PLA2G5: variants seen among roughly 807,000 people sequenced by gnomAD.
PLA2G5 encodes the protein Ca2+-dependent phospholipase A2.
PLA2G5 carries 12 observed loss-of-function variants against 15.9 expected under a neutral mutation model. That is an observed-to-expected ratio of 0.76 (90% CI 0.48 to 1.23). PLA2G5 has a LOEUF of 1.23. PLA2G5 is among the 50% of genes most tolerant of loss of function. The pLI, the probability that PLA2G5 is intolerant of heterozygous loss-of-function variation, is 0.00. For synonymous variants in PLA2G5, 71 were observed against 71.4 expected (o/e 0.99, Z 0.03); for missense variants, 169 against 177.1 (o/e 0.95, Z 0.26).
intron 1 of PLA2G5, among the ~76,000 whole-genome samples, chr1:20,037,267 C>T (rs1337068237): frequency 1.3e-5 from 2 of 152,162 alleles, no homozygotes; most frequent in Admixed American, 1.3e-4. Context: ...GTGGTGCTCT[C>T]CCCCTTCCTT....
chr1:20,039,420 C>A lies in PLA2G5; in HGVS notation n.276+10711C>A, dbSNP rs185362066. Among the ~76,000 whole-genome samples, 124 of 152,178 alleles carry A rather than the reference C, an allele frequency of 8.1e-4. 1 individual carries two copies. In the Middle Eastern group the frequency reaches 0.014, roughly 17 times the overall value. Reference sequence around the variant, plus strand: ...CTGGCCCAGTAATGTTCATAGAGGACAAAACAAGGATTAAATAGACAGGAA... The same window carrying A: ...CTGGCCCAGTAATGTTCATAGAGGAAAAAACAAGGATTAAATAGACAGGAA... On this transcript the variant is annotated intron_variant and non_coding_transcript_variant, in intron 1 of 6. Transcript: ENST00000460175.
rs147797877 is a variant in PLA2G5, at chr1:20,077,962, C to T, written c.-10-6859C>T. ...GAAATAAGAGCTAAATCCCTGAACT[C>T]GAATGAGCTCATCCAGAGAGTGGCT... On this transcript the variant is annotated intron_variant, in intron 1 of 4. Transcript: ENST00000375108. 5.3e-5 allele frequency among the ~76,000 whole-genome samples: 8 copies of T among 152,272 alleles called. No homozygotes were observed. The East Asian group carries it at 1.5e-3, about 29-fold the overall frequency.
chr1:20,085,937 C>T, intron 2 of PLA2G5, 146 bp from the exon 3 acceptor site: 1 of 723,298 alleles, frequency 1.4e-6, no homozygotes, highest in Non-Finnish European at 2.2e-6. Context: ...CTTGCACCTC[C>T]CTTCCCACTA....
Position 20,063,229 on chromosome 1 carries a change from CAA to C in PLA2G5, n.337+3540_337+3541del, listed in dbSNP as rs71010530. 5.7e-3 allele frequency among the ~76,000 whole-genome samples: 868 copies of C among 152,230 alleles called. 5 individuals carry two copies. Among genetic ancestry groups the C allele is most frequent in the Middle Eastern group, 0.024 (7 of 294 alleles). On this transcript the variant is annotated intron_variant and non_coding_transcript_variant, in intron 2 of 6. Coordinates refer to the PLA2G5 transcript ENST00000460175. ...AAATGAAGATGAAAATGAAAAAAAC[CAA>C]AAGAGTTTGATTTTCTCACAACAAA...
chr1:20,053,814 A>C (rs1383584597), intron 1 of PLA2G5, among the ~76,000 whole-genome samples: 1 of 152,214 alleles, frequency 6.6e-6, no homozygotes, highest in Non-Finnish European at 1.5e-5. Context: ...CAAAGTTCAC[A>C]GTTTAATTAG....
At chr1:20,081,414 G>T (rs978685816) in intron 1 of PLA2G5, among the ~76,000 whole-genome samples, 1 of 150,012 alleles carries the variant, frequency 6.7e-6, no homozygotes, top group Non-Finnish European at 1.5e-5. Context: ...TGAAAAGATA[G>T]CTTGTTATTT....
intron 1 of PLA2G5, among the ~76,000 whole-genome samples, chr1:20,081,698 G>C (rs1369289960): frequency 6.6e-6 from 1 of 151,804 alleles, no homozygotes; most frequent in Non-Finnish European, 1.5e-5. Flanking sequence ...GGTGGCCCGG[G>C]TGTACCAAGG....
chr1:20,051,123 T>C (rs1044469274), intron 1 of PLA2G5, among the ~76,000 whole-genome samples: 7 of 152,192 alleles, frequency 4.6e-5, no homozygotes, highest in African/African-American at 1.7e-4. Flanking sequence ...AATTATTGTG[T>C]GCCACAGAGG....
At chr1:20,034,385 A>G (rs899228958) in intron 1 of PLA2G5, among the ~76,000 whole-genome samples, 1 of 152,220 alleles carries the variant, frequency 6.6e-6, no homozygotes, top group Non-Finnish European at 1.5e-5. Context: ...CATTCTTTGG[A>G]TCCAATACAG....
At chr1:20,068,328 G>A (rs990968004), upstream of PLA2G5, among the ~76,000 whole-genome samples, 9 of 152,012 alleles carry the variant, frequency 5.9e-5, no homozygotes, top group African/African-American at 2.2e-4. Context: ...AGAACCAATA[G>A]GAGAAAGATA....
intron 1 of PLA2G5, among the ~76,000 whole-genome samples, chr1:20,083,747 A>C (rs887056118): frequency 6.6e-6 from 1 of 151,840 alleles, no homozygotes; most frequent in African/African-American, 2.4e-5. Flanking sequence ...TGCGTGGTGC[A>C]GTGAGGGGTG....
At chr1:20,078,293 G>A (rs2015808139) in intron 1 of PLA2G5, among the ~76,000 whole-genome samples, 1 of 152,194 alleles carries the variant, frequency 6.6e-6, no homozygotes, top group African/African-American at 2.4e-5. Context: ...ACGAAGGGCA[G>A]CCTTCTCTGT....
intron 1 of PLA2G5, among the ~76,000 whole-genome samples, chr1:20,073,232 GAC>G (rs1359023932): frequency 1.3e-5 from 2 of 152,166 alleles, no homozygotes; most frequent in African/African-American, 2.4e-5. Context: ...CAGAAACAAA[GAC>G]AGAAAGGAAG....
At chr1:20,086,350 G>C in intron 3 of PLA2G5, 123 bp downstream of exon 3, 2 of 1,147,092 alleles carry the variant, frequency 1.7e-6, no homozygotes, top group African/African-American at 3.1e-5. Flanking sequence ...AGAAAACTAA[G>C]CCTCAAAGAA....
chr1:20,044,376 G>T (rs1464059203), intron 1 of PLA2G5, among the ~76,000 whole-genome samples: 1 of 151,704 alleles, frequency 6.6e-6, no homozygotes, highest in African/African-American at 2.4e-5. Context: ...TTGTGGGGGG[G>T]GTTTGAGGTC....
At chr1:20,058,539 G>C (rs1190700759) in intron 1 of PLA2G5, among the ~76,000 whole-genome samples, 1 of 152,124 alleles carries the variant, frequency 6.6e-6, no homozygotes, top group East Asian at 1.9e-4. Context: ...TGAACTTGTA[G>C]ACAACATGCC....
rs545533641 is a variant in PLA2G5, at chr1:20,038,637, G to A, written n.276+9928G>A. ...ATCTCTACAAGAAATAAATTAACTG[G>A]GCATGGTGGTAAATGCCTGTAGTCC... On this transcript the variant is annotated intron_variant and non_coding_transcript_variant, in intron 1 of 6. Transcript: ENST00000460175. Among the ~76,000 whole-genome samples, 19 of 151,914 alleles carry A rather than the reference G, an allele frequency of 1.3e-4. No homozygotes were observed. In the South Asian group the frequency reaches 2.1e-3, roughly 17 times the overall value.
chr1:20,076,134 G>A (rs955808045), intron 1 of PLA2G5, among the ~76,000 whole-genome samples: 1 of 152,084 alleles, frequency 6.6e-6, no homozygotes, highest in Non-Finnish European at 1.5e-5. Flanking sequence ...GGCTCCCAAA[G>A]TGCTGGTATT....
chr1:20,061,108 G>A (rs2100467189), intron 2 of PLA2G5, among the ~76,000 whole-genome samples: 1 of 152,278 alleles, frequency 6.6e-6, no homozygotes, highest in South Asian at 2.1e-4. Flanking sequence ...TCCCAGATTG[G>A]CCTCATCTCT....
Sources: allele counts gnomAD v4.1 joint callset (sites outside exome capture counted in the v4.1 genomes callset), GRCh38; gene constraint gnomAD v4.1.1; transcripts MANE v1.5; gene names NCBI Gene and HGNC (gene_info 2026-07-23, HGNC 2026-07-21).